Variants in TANGO6 observed in about 807,000 individuals in gnomAD.
The protein encoded by TANGO6 is transport and Golgi organization protein 6 homolog.
A neutral mutation model predicts 114.2 loss-of-function variants in TANGO6; 90 were observed. The ratio of observed to expected loss-of-function variants is 0.79; its 90% CI spans 0.66 to 0.94. The LOEUF is 0.94. TANGO6 is among the 40% of genes least tolerant of loss of function. The pLI, the probability that TANGO6 is intolerant of heterozygous loss-of-function variation, is 0.00. For synonymous variants in TANGO6, 477 were observed against 509.8 expected, an observed-to-expected ratio of 0.94 and a Z score of 0.87; for missense variants, 1,274 against 1,315.3, an observed-to-expected ratio of 0.97 and a Z score of 0.49.
At chr16:68,952,445 A>G (rs1225285569) in intron 14 of TANGO6, among the ~76,000 whole-genome samples, 3 of 152,208 alleles carry the variant, frequency 2.0e-5, no homozygotes, top group Non-Finnish European at 4.4e-5. Flanking sequence ...CATCTCAAAT[A>G]CAAATTAAAA....
chr16:68,848,564 C>T lies in TANGO6; in HGVS notation c.94+4853C>T, dbSNP rs191825448. On this transcript the variant is annotated intron_variant, in intron 1 of 17. Transcript: ENST00000261778. ...CTATAATTAGGTAAAAAGAAAAATC[C>T]TACCTCTAACCCTATCACCCAGAGA... 1.5e-3 allele frequency among the ~76,000 whole-genome samples: 235 copies of T among 151,946 alleles called. 1 individual carries two copies. The highest frequency in any genetic ancestry group is 5.1e-3 in the African/African-American group (212 of 41,418).
chr16:69,072,236 A>G (rs1329568098), intron 17 of TANGO6, among the ~76,000 whole-genome samples: 1 of 151,888 alleles, frequency 6.6e-6, no homozygotes, highest in Non-Finnish European at 1.5e-5. Context: ...GAGTCTGGGT[A>G]CTTCTTTAAG....
At chr16:69,054,940 C>CA (rs35840863) in intron 17 of TANGO6, among the ~76,000 whole-genome samples, 1,421 of 67,918 alleles carry the variant, frequency 0.021, 34 homozygotes, top group African/African-American at 0.047. Context: ...GACTCCGTCT[C>CA]AAAAAAAAAA....
At chr16:68,894,719 A>G (rs1962679728) in intron 7 of TANGO6, among the ~76,000 whole-genome samples, 1 of 151,980 alleles carries the variant, frequency 6.6e-6, no homozygotes, top group African/African-American at 2.4e-5. Context: ...GATTTTTAAT[A>G]TTGTAGTAAA....
intron 4 of TANGO6, among the ~76,000 whole-genome samples, chr16:68,871,498 A>C (rs1384548288): frequency 6.6e-6 from 1 of 152,110 alleles, no homozygotes; most frequent in Non-Finnish European, 1.5e-5. Context: ...CTCCCCTCAG[A>C]TCTCTCTTTC....
intron 17 of TANGO6, among the ~76,000 whole-genome samples, chr16:69,076,179 C>T (rs372942792): frequency 2.7e-5 from 4 of 147,402 alleles, no homozygotes; most frequent in African/African-American, 1.0e-4. Context: ...GCAACCTCCA[C>T]CTCCCAGGTT....
chr16:68,904,759 T>C (rs1032172329), intron 9 of TANGO6, among the ~76,000 whole-genome samples: 6 of 152,200 alleles, frequency 3.9e-5, no homozygotes, highest in African/African-American at 1.4e-4. Flanking sequence ...TTTTAGTGCA[T>C]CTTCAATGCC....
chr16:69,022,878 G>T lies in TANGO6; in HGVS notation c.2893G>T (p.Gly965Ter), dbSNP rs868791949. 3 of 1,594,824 alleles carry T rather than the reference G, an allele frequency of 1.9e-6. No individual in the cohort carries two copies. Among genetic ancestry groups the T allele is most frequent in the Non-Finnish European group, 2.6e-6 (3 of 1,170,274 alleles). Residue 965 changes from glycine (G) to a stop codon, truncating the protein, a stop_gained, in exon 16 of 18, where the codon GGA (glycine) becomes TGA (stop). Transcript: ENST00000261778. LOFTEE classifies it high-confidence loss of function. ...REPLIHTFLR[G>*]VRDPDGAHRA... ...ACCTTTGATCCATACCTTCCTGAGG[G>T]GAGTGAGAGATCCTGATGGTGCTCA...
At chr16:68,936,193 A>C (rs1963297739) in intron 14 of TANGO6, among the ~76,000 whole-genome samples, 1 of 152,170 alleles carries the variant, frequency 6.6e-6, no homozygotes, top group South Asian at 2.1e-4. Context: ...CAAAAAGAAA[A>C]TTTAAAAAAA....
At chr16:69,072,726 C>T (rs760985565) in intron 17 of TANGO6, among the ~76,000 whole-genome samples, 32 of 152,170 alleles carry the variant, frequency 2.1e-4, no homozygotes, top group Middle Eastern at 3.4e-3. Context: ...AACAGAGATC[C>T]GGTAACTGAT....
intron 11 of TANGO6, among the ~76,000 whole-genome samples, chr16:68,912,298 G>A (rs1423797607): frequency 6.6e-6 from 1 of 152,130 alleles, no homozygotes; most frequent in African/African-American, 2.4e-5. Context: ...ACGAGTTCGA[G>A]ACCAGCCTGG....
intron 15 of TANGO6, among the ~76,000 whole-genome samples, chr16:69,003,134 C>T (rs543208129): frequency 6.6e-6 from 1 of 151,990 alleles, no homozygotes; most frequent in Non-Finnish European, 1.5e-5. Context: ...TTTTTTCCCC[C>T]CTCAAAGGTA....
Position 68,891,914 on chromosome 16 carries a change from G to A in TANGO6, c.1378-8520G>A, listed in dbSNP as rs187290693. ...AAGGAGGGAGGGAGAGAGGAAGGAAGGAAGGCAGGGAGGAGGGAGGGAGAG... is the reference window on the plus strand; with the variant it reads ...AAGGAGGGAGGGAGAGAGGAAGGAAAGAAGGCAGGGAGGAGGGAGGGAGAG... On this transcript the variant is annotated intron_variant, in intron 7 of 17. Coordinates refer to ENST00000261778, the MANE Select transcript of TANGO6 (RefSeq NM_024562.2). Among the ~76,000 whole-genome samples, 1,270 of 145,208 alleles carry A rather than the reference G, an allele frequency of 8.7e-3. 18 individuals are homozygous for A. The highest frequency in any genetic ancestry group is 0.031 in the African/African-American group (1,197 of 39,062).
chr16:68,845,277 C>T (rs1212923218), intron 1 of TANGO6, among the ~76,000 whole-genome samples: 1 of 152,086 alleles, frequency 6.6e-6, no homozygotes, highest in Admixed American at 6.5e-5. Context: ...CTGCAACTCT[C>T]TATTGTATGA....
At chr16:69,028,403 G>A (rs1213027130) in intron 16 of TANGO6, among the ~76,000 whole-genome samples, 1 of 152,074 alleles carries the variant, frequency 6.6e-6, no homozygotes, top group Non-Finnish European at 1.5e-5. Flanking sequence ...GCCAAGGCAG[G>A]CAGATCACCT....
chr16:68,963,207 C>T (rs1963612104), intron 14 of TANGO6, among the ~76,000 whole-genome samples: 1 of 151,910 alleles, frequency 6.6e-6, no homozygotes, highest in South Asian at 2.1e-4. Flanking sequence ...CTGCAACCTC[C>T]ACCTCTCAGG....
chr16:68,904,352 C>T (rs560090923), intron 9 of TANGO6, among the ~76,000 whole-genome samples: 3 of 152,244 alleles, frequency 2.0e-5, no homozygotes, highest in South Asian at 2.1e-4. Context: ...TTAGAAGGGA[C>T]GTTTATCCAT....
Position 68,878,101 on chromosome 16 carries a change from TTGTAGTTTTTTTGTAGG to T in TANGO6, c.1132-15_1133del. The T allele has an allele frequency of 1.3e-6, 2 of 1,599,678 alleles. No homozygotes were observed. The highest frequency in any genetic ancestry group is 1.7e-6 in the Non-Finnish European group (2 of 1,173,436). ...CTTGCAAAAAACTGGTATTTACTTC[TTGTAGTTTTTTTGTAGG>T]TTCTGGATTTATTTCACTTTCAAGA... On this transcript the variant is annotated splice_acceptor_variant and splice_polypyrimidine_tract_variant and coding_sequence_variant and intron_variant, in exon 6 of 18. Coordinates refer to ENST00000261778, the MANE Select transcript of TANGO6 (RefSeq NM_024562.2). LOFTEE classifies it high-confidence loss of function.
At chr16:68,866,362 G>A (rs559077145) in intron 3 of TANGO6, among the ~76,000 whole-genome samples, 46 of 151,980 alleles carry the variant, frequency 3.0e-4, no homozygotes, top group African/African-American at 1.0e-3. Context: ...GGTGGCTCAC[G>A]CCTGTAATCC....
Sources: allele counts gnomAD v4.1 joint callset (sites outside exome capture counted in the v4.1 genomes callset), GRCh38; gene constraint gnomAD v4.1.1; transcripts MANE v1.5; gene names NCBI Gene and HGNC (gene_info 2026-07-23, HGNC 2026-07-21).